The following MBTPS1 variants were observed in gnomAD, a reference collection of about 807,000 sequenced individuals.
MBTPS1 encodes the protein membrane-bound transcription factor site-1 protease.
In MBTPS1, 94 loss-of-function variants were observed where a neutral mutation model predicts 127.8. The observed-to-expected ratio is 0.74, with a 90% CI of 0.62 to 0.87. The LOEUF (loss-of-function observed/expected upper bound fraction) is 0.87. Ranked by LOEUF, MBTPS1 falls within the 40% of genes least tolerant of loss-of-function variation. The pLI, the probability that MBTPS1 is intolerant of heterozygous loss-of-function variation, is 0.00. For synonymous variants in MBTPS1, 632 were observed against 509.4 expected (o/e 1.24, Z -3.24); for missense variants, 1,636 against 1,353.2 (o/e 1.21, Z -3.28).
chr16:84,084,823 T>G (rs746635118), intron 10 of MBTPS1, among the ~76,000 whole-genome samples, 160 bp downstream of exon 10: 7 of 152,218 alleles, frequency 4.6e-5, no homozygotes, highest in Non-Finnish European at 8.8e-5. Flanking sequence ...GACTCCTACC[T>G]CTTTGCAGAG....
At position 84,089,990 on chromosome 16, in the gene MBTPS1, T is replaced by C. The variant is rs544198157; in HGVS notation, c.1031+885A>G. Among the ~76,000 whole-genome samples the C allele has an allele frequency of 1.3e-3, 202 of 152,326 alleles. 1 individual carries two copies. The highest frequency in any genetic ancestry group is 4.7e-3 in the African/African-American group (196 of 41,578). On this transcript the variant is annotated intron_variant, in intron 8 of 22. Coordinates refer to ENST00000343411, the MANE Select transcript of MBTPS1 (RefSeq NM_003791.4). ...ATCTATGGCTCATGATACGTATCAC[T>C]GATGCGACAGCAAAATCCAGAACCC...
At position 84,055,968 on chromosome 16, in the gene MBTPS1, A is replaced by G. The variant is rs1003427548; in HGVS notation, c.2962+37T>C. 5 of 1,596,328 alleles carry G rather than the reference A, an allele frequency of 3.1e-6. No homozygotes were observed. The African/African-American group carries it at 5.4e-5, about 17-fold the overall frequency. ...GAGACTCCTTTGAACAAAATACAGG[A>G]TGACTGAGCACAATCACAAAGCAGC... is the stretch of plus-strand genomic sequence containing the variant. On this transcript the variant is annotated intron_variant, in intron 22 of 22. Coordinates refer to ENST00000343411, the MANE Select transcript of MBTPS1 (RefSeq NM_003791.4).
rs1460203943 is a variant in MBTPS1, at chr16:84,054,270, CTCGATGTACCAG to C, written c.*167_*178del. 2 of 458,532 alleles carry C rather than the reference CTCGATGTACCAG, an allele frequency of 4.4e-6. No homozygotes were observed. The highest frequency in any genetic ancestry group is 7.5e-6 in the Non-Finnish European group (2 of 265,700). 28.4% of individuals were successfully genotyped at this position (458,532 alleles called of 1,614,324 possible). A position where few individuals can be genotyped will look rare whatever the true frequency, so the allele number is the denominator to read the frequency against. On this transcript the variant is annotated 3_prime_UTR_variant, in exon 23 of 23. Coordinates refer to ENST00000343411, the MANE Select transcript of MBTPS1 (RefSeq NM_003791.4). ...TCCTGACGGGATCCACAGGAATCTT[CTCGATGTACCAG>C]GAGCCTCTGCCCATCACAGGAGGGC...
chr16:84,104,817 G>A (rs2086301430), intron 1 of MBTPS1, among the ~76,000 whole-genome samples: 1 of 151,986 alleles, frequency 6.6e-6, no homozygotes, highest in Non-Finnish European at 1.5e-5. Flanking sequence ...CTGTAATCCT[G>A]GGTGTGATTC....
intron 22 of MBTPS1, among the ~76,000 whole-genome samples, chr16:84,055,501 T>G (rs111348253): frequency 0.012 from 1,891 of 152,186 alleles, 49 homozygotes; most frequent in African/African-American, 0.043. Flanking sequence ...CCAGTCAGGA[T>G]CCCTGGAGAG....
intron 8 of MBTPS1, among the ~76,000 whole-genome samples, chr16:84,088,923 C>T (rs2086066605): frequency 6.6e-6 from 1 of 152,228 alleles, no homozygotes. Flanking sequence ...TGAGCGTACA[C>T]ACAAGGTGGA....
intron 6 of MBTPS1, 42 bp from the exon 7 acceptor site, chr16:84,091,890 G>C (rs2086115120): frequency 3.5e-6 from 4 of 1,128,668 alleles, no homozygotes; most frequent in African/African-American, 1.5e-5. Context: ...TTTCAATCAA[G>C]TTTTAAAGTG....
chr16:84,115,438 C>A, intron 1 of MBTPS1, among the ~76,000 whole-genome samples: 1 of 152,230 alleles, frequency 6.6e-6, no homozygotes, highest in Non-Finnish European at 1.5e-5. Flanking sequence ...GTTTTGCTGT[C>A]ATCCGCATCA....
At chr16:84,095,194 G>C (rs2086162316) in intron 4 of MBTPS1, among the ~76,000 whole-genome samples, 1 of 152,244 alleles carries the variant, frequency 6.6e-6, no homozygotes, top group Non-Finnish European at 1.5e-5. Flanking sequence ...GAATTGCCCA[G>C]ATCAGGGACC....
intron 11 of MBTPS1, among the ~76,000 whole-genome samples, chr16:84,081,299 G>C (rs1326039064): frequency 6.6e-6 from 1 of 152,244 alleles, no homozygotes; most frequent in Admixed American, 6.5e-5. Context: ...CACAGGAGCT[G>C]GCGAGATGTA....
At chr16:84,112,611 G>A (rs1438142260) in intron 1 of MBTPS1, among the ~76,000 whole-genome samples, 4 of 146,024 alleles carry the variant, frequency 2.7e-5, no homozygotes, top group Non-Finnish European at 4.5e-5. Context: ...CCAGGGAGCT[G>A]AGATCACGCC....
chr16:84,077,180 A>C (rs2085868354), intron 11 of MBTPS1, among the ~76,000 whole-genome samples: 1 of 150,758 alleles, frequency 6.6e-6, no homozygotes, highest in African/African-American at 2.4e-5. Context: ...AGCTGAGATC[A>C]TGCAACTACA....
chr16:84,116,205 A>C (rs753751707), intron 1 of MBTPS1, among the ~76,000 whole-genome samples: 1 of 152,220 alleles, frequency 6.6e-6, no homozygotes, highest in Non-Finnish European at 1.5e-5. Context: ...TCTTAATAAA[A>C]ATACTGACGA....
chr16:84,058,988 C>G (rs1056270265), intron 21 of MBTPS1, among the ~76,000 whole-genome samples: 1 of 152,200 alleles, frequency 6.6e-6, no homozygotes, highest in Admixed American at 6.5e-5. Flanking sequence ...CAGCCGGCAG[C>G]TCTTAACTCC....
At chr16:84,056,612 A>T (rs1455270014) in intron 21 of MBTPS1, 1 of 152,694 alleles carries the variant, frequency 6.5e-6, no homozygotes, top group African/African-American at 2.4e-5. Flanking sequence ...GGAACCAGAC[A>T]GCATCTTTGT....
chr16:84,111,540 CA>C (rs5818482), intron 1 of MBTPS1, among the ~76,000 whole-genome samples: 43,638 of 134,324 alleles, frequency 0.32, 6,235 homozygotes, highest in East Asian at 0.38. Context: ...GACTCCATCT[CA>C]AAAAAAAAAA....
chr16:84,092,357 T>C (rs987366686), intron 6 of MBTPS1, among the ~76,000 whole-genome samples: 1 of 152,276 alleles, frequency 6.6e-6, no homozygotes, highest in African/African-American at 2.4e-5. Context: ...CATTACTTTG[T>C]GGATCACCTT....
chr16:84,116,560 C>T (rs1300936262), intron 1 of MBTPS1, among the ~76,000 whole-genome samples, 175 bp downstream of exon 1: 1 of 152,182 alleles, frequency 6.6e-6, no homozygotes, highest in Non-Finnish European at 1.5e-5. Context: ...GGCCGCGGTA[C>T]AGGCACGCTG....
At chr16:84,065,855 T>C (rs2085675517) in intron 17 of MBTPS1, 88 bp from the exon 18 acceptor site, 1 of 701,174 alleles carries the variant, frequency 1.4e-6, no homozygotes, top group African/African-American at 1.9e-5. Flanking sequence ...AAATACATTC[T>C]TCAGATGCTA....
Sources: allele counts gnomAD v4.1 joint callset (sites outside exome capture counted in the v4.1 genomes callset), GRCh38; gene constraint gnomAD v4.1.1; transcripts MANE v1.5; gene names NCBI Gene and HGNC (gene_info 2026-07-23, HGNC 2026-07-21).